Variants in SCX observed in about 807,000 individuals in gnomAD.
SCX encodes the protein scleraxis bHLH transcription factor.
A neutral mutation model predicts 12.2 loss-of-function variants in SCX; 7 were observed. The ratio of observed to expected loss-of-function variants is 0.57; its 90% CI spans 0.33 to 1.08. SCX has a LOEUF of 1.08. Ranked by LOEUF, SCX falls within the 50% of genes least tolerant of loss-of-function variation. The pLI, the probability that SCX is intolerant of heterozygous loss-of-function variation, is 0.04. For synonymous variants in SCX, 193 were observed against 163.9 expected, an observed-to-expected ratio of 1.18 and a Z score of -1.36; for missense variants, 342 against 337.2, an observed-to-expected ratio of 1.01 and a Z score of -0.11.
In SCX at chr8:144,268,410, C is replaced by T; in HGVS notation, c.*268C>T. ...TCTTCCGGCCACTGTGTGATGGCAT[C>T]TTGTGTTTTTGATATGATAATATAA... is the stretch of plus-strand genomic sequence containing the variant. On this transcript the variant is annotated 3_prime_UTR_variant, in exon 2 of 2. Coordinates refer to ENST00000567180, the MANE Select transcript of SCX (RefSeq NM_001080514.3). 3 of 578,956 alleles carry T rather than the reference C, an allele frequency of 5.2e-6. No homozygotes were observed. Among genetic ancestry groups the T allele is most frequent in the Non-Finnish European group, 6.1e-6 (2 of 326,732 alleles). The allele number at this position is 578,956 out of a possible 1,614,324, so 35.9% of individuals were successfully genotyped here. A position where few individuals can be genotyped will look rare whatever the true frequency, so the allele number is the denominator to read the frequency against.
chr8:144,267,234 A>G, intron 1 of SCX, 54 bp downstream of exon 1: 1 of 1,464,264 alleles, frequency 6.8e-7, no homozygotes, highest in South Asian at 1.4e-5. Flanking sequence ...CCCTCAGCCC[A>G]CACCTGCCAG....
chr8:144,267,808 C>T (rs1258347315), intron 1 of SCX, among the ~76,000 whole-genome samples: 3 of 152,216 alleles, frequency 2.0e-5, no homozygotes, highest in East Asian at 1.9e-4. Flanking sequence ...TTGGTGGCAC[C>T]GGAAAAGCAG....
chr8:144,266,663 C>T lies in SCX; in HGVS notation c.50C>T (p.Pro17Leu). The T allele has an allele frequency of 7.9e-7, 1 of 1,261,114 alleles. No individual in the cohort carries two copies. Among genetic ancestry groups the T allele is most frequent in the Non-Finnish European group, 1.0e-6 (1 of 983,638 alleles). 78.1% of individuals were successfully genotyped at this position (1,261,114 alleles called of 1,614,324 possible). A position where few individuals can be genotyped will look rare whatever the true frequency, so the allele number is the denominator to read the frequency against. ...RPAPPGRYLY[P>L]EVSPLSEDED... Reference sequence around the variant, plus strand: ...GCGCCGCCGGGCCGCTACCTGTACCCCGAGGTGAGCCCGCTGTCGGAGGAC... The same window carrying T: ...GCGCCGCCGGGCCGCTACCTGTACCTCGAGGTGAGCCCGCTGTCGGAGGAC... Residue 17 changes from proline to leucine, a missense_variant, in exon 1 of 2, where the codon CCC becomes CTC. Around this residue, in one of 3 missense-constraint regions of SCX, gnomAD observed 139 missense variants for 107.8 expected, o/e 1.29. Coordinates refer to ENST00000567180, the MANE Select transcript of SCX (RefSeq NM_001080514.3).
intron 1 of SCX, among the ~76,000 whole-genome samples, chr8:144,267,543 AG>A (rs1443726782): frequency 1.3e-5 from 2 of 152,260 alleles, no homozygotes; most frequent in African/African-American, 4.8e-5. Flanking sequence ...GAGTTCAGAA[AG>A]TAAGAGGCTG....
chr8:144,268,124 G>A lies in SCX; in HGVS notation c.588G>A (p.Lys196=). ...TGCAGAGCAAGGACCGCGACAGAAA[G>A]ACAGCGATTCGCAGTTAGGAGGTGG... The part of the protein sequence containing the change: ...QRKLSKDRDR[K]TAIRS Residue 196 remains lysine (K), a synonymous_variant, in exon 2 of 2, where the codon AAG becomes AAA. Transcript: ENST00000567180. 2.6e-6 allele frequency: 4 copies of A among 1,551,790 alleles called. No homozygotes were observed. The highest frequency in any genetic ancestry group is 3.5e-6 in the Non-Finnish European group (4 of 1,147,580).
intron 1 of SCX, among the ~76,000 whole-genome samples, chr8:144,267,875 C>A (rs2130214407): frequency 6.6e-6 from 1 of 152,312 alleles, no homozygotes. Flanking sequence ...CCTCTCCAGA[C>A]AGCACGCGCG....
chr8:144,267,331 C>A, intron 1 of SCX, 151 bp downstream of exon 1: 3 of 990,158 alleles, frequency 3.0e-6, no homozygotes, highest in Non-Finnish European at 2.6e-6. Context: ...GGGGCTGGGG[C>A]CTTCTCCTGG....
At position 144,266,608 on chromosome 8, in the gene SCX, G is replaced by A. The variant is rs1845372737; in HGVS notation, c.-6G>A. 11 of 1,151,370 alleles carry A rather than the reference G, an allele frequency of 9.6e-6. No homozygotes were observed. Among genetic ancestry groups the A allele is most frequent in the South Asian group, 5.4e-5 (3 of 55,490 alleles). 71.3% of individuals were successfully genotyped at this position (1,151,370 alleles called of 1,614,324 possible). On this transcript the variant is annotated 5_prime_UTR_variant, in exon 1 of 2. Transcript: ENST00000567180. ...ACAGAGCTGACGCCGCGCCCCCGCC[G>A]GCCCCATGTCCTTCGCCACGCTGCG... is the stretch of plus-strand genomic sequence containing the variant.
Position 144,267,996 on chromosome 8 carries a change from G to A in SCX, c.568-108G>A, listed in dbSNP as rs1278594456. On this transcript the variant is annotated intron_variant, in intron 1 of 1. Coordinates refer to ENST00000567180, the MANE Select transcript of SCX (RefSeq NM_001080514.3). ...GGAAGCTGGGGAGAGCCGGGAAGGA[G>A]GTGCCTTGGCGCTGGCCACCTGAGA... 3.3e-6 allele frequency: 5 copies of A among 1,505,880 alleles called. No homozygotes were observed. The African/African-American group carries it at 6.9e-5, about 21-fold the overall frequency. The allele number at this position is 1,505,880 out of a possible 1,614,324, so 93.3% of individuals were successfully genotyped here. A position where few individuals can be genotyped will look rare whatever the true frequency, so the allele number is the denominator to read the frequency against.
rs1343769462 is a variant in SCX, at chr8:144,266,483, C to G, written c.-131C>G. 3.0e-6 allele frequency: 3 copies of G among 985,230 alleles called. No homozygotes were observed. In the African/African-American group the frequency reaches 5.3e-5, roughly 17 times the overall value. The allele number at this position is 985,230 out of a possible 1,614,324, so 61.0% of individuals were successfully genotyped here. A position where few individuals can be genotyped will look rare whatever the true frequency, so the allele number is the denominator to read the frequency against. On this transcript the variant is annotated 5_prime_UTR_variant, in exon 1 of 2. Coordinates refer to ENST00000567180, the MANE Select transcript of SCX (RefSeq NM_001080514.3). ...GGGACGCACATGTGCGCGCGACGCC[C>G]GGCAGCTGCCACCGCGGGGCGCAGC...
chr8:144,267,357 C>A (rs1845398540), intron 1 of SCX, among the ~76,000 whole-genome samples, 177 bp downstream of exon 1: 1 of 152,066 alleles, frequency 6.6e-6, no homozygotes, highest in Non-Finnish European at 1.5e-5. Flanking sequence ...CTCTCCAGGG[C>A]GTCCCTAGGA....
chr8:144,267,117 C>T lies in SCX; in HGVS notation c.504C>T (p.Arg168=), dbSNP rs1845390827. Residue 168 remains arginine (R), a synonymous_variant, in exon 1 of 2, where the codon CGC becomes CGT. Transcript: ENST00000567180. ...CGCCGCCCCCGCCGCCTCCCGCCCG[C>T]GACGGCGAGAACACCCAGCCCAAAC... ...PPPPPPPPPA[R]DGENTQPKQI... 7 of 1,475,568 alleles carry T rather than the reference C, an allele frequency of 4.7e-6. No individual in the cohort carries two copies. Among genetic ancestry groups the T allele is most frequent in the Non-Finnish European group, 5.3e-6 (6 of 1,122,856 alleles). The allele number at this position is 1,475,568 out of a possible 1,614,324, so 91.4% of individuals were successfully genotyped here.
chr8:144,268,063 G>A, intron 1 of SCX, 41 bp from the exon 2 acceptor site: 1 of 1,549,404 alleles, frequency 6.5e-7, no homozygotes. Flanking sequence ...GACTGGCGCT[G>A]GGCTCTGCCG....
Position 144,266,970 on chromosome 8 carries a change from G to T in SCX, c.357G>T (p.Leu119=). ...TCTCCAAGATTGAGACGCTGCGCCT[G>T]GCCTCCAGCTACATCTCGCACCTGG... ...RKLSKIETLR[L]ASSYISHLGN... is the part of the protein sequence containing the mutation. The change falls in exon 1 of 2, where the codon CTG becomes CTT. Residue 119 remains leucine (L), a synonymous_variant. Coordinates refer to ENST00000567180, the MANE Select transcript of SCX (RefSeq NM_001080514.3). 1 of 1,555,900 alleles carries T rather than the reference G, an allele frequency of 6.4e-7. No individual in the cohort carries two copies. Among genetic ancestry groups the T allele is most frequent in the East Asian group, 2.5e-5 (1 of 40,438 alleles).
chr8:144,268,214 C>A lies in SCX; in HGVS notation c.*72C>A, dbSNP rs1845425717. 1.9e-6 allele frequency: 3 copies of A among 1,544,198 alleles called. No individual in the cohort carries two copies. In the African/African-American group the frequency reaches 4.1e-5, roughly 21 times the overall value. ...GACGCCCGGGGTGACTGCAGACAGC[C>A]CCCACCTTGGACCTGAGCTGGGCAA... On this transcript the variant is annotated 3_prime_UTR_variant, in exon 2 of 2. Coordinates refer to ENST00000567180, the MANE Select transcript of SCX (RefSeq NM_001080514.3).
intron 1 of SCX, among the ~76,000 whole-genome samples, chr8:144,267,838 C>T (rs1381108660): frequency 6.6e-6 from 1 of 152,214 alleles, no homozygotes; most frequent in East Asian, 1.9e-4. Context: ...GGAGAAAATA[C>T]GGCACGGCTT....
In SCX at chr8:144,266,600, C is replaced by T. The variant is rs1446637140; in HGVS notation, c.-14C>T. The T allele has an allele frequency of 2.1e-5, 23 of 1,116,988 alleles. No homozygotes were observed. The highest frequency in any genetic ancestry group is 2.5e-5 in the Non-Finnish European group (23 of 907,400). The allele number at this position is 1,116,988 out of a possible 1,614,324, so 69.2% of individuals were successfully genotyped here. A position where few individuals can be genotyped will look rare whatever the true frequency, so the allele number is the denominator to read the frequency against. ...AGCGCGCGACAGAGCTGACGCCGCG[C>T]CCCCGCCGGCCCCATGTCCTTCGCC... On this transcript the variant is annotated 5_prime_UTR_variant, in exon 1 of 2. Transcript: ENST00000567180.
At position 144,266,718 on chromosome 8, in the gene SCX, C is replaced by T; in HGVS notation, c.105C>T (p.Ser35=). The change falls in exon 1 of 2, where the codon TCC becomes TCT. Residue 35 remains serine (S), a synonymous_variant. Coordinates refer to ENST00000567180, the MANE Select transcript of SCX (RefSeq NM_001080514.3). ...ACCGCGGCAGCGACAGCTCGGGCTC[C>T]GACGAGAAACCCTGTCGCGTGCACG... is the stretch of plus-strand genomic sequence containing the variant. The part of the protein sequence containing the change: ...DEDRGSDSSG[S]DEKPCRVHAA... 1 of 1,199,184 alleles carries T rather than the reference C, an allele frequency of 8.3e-7. No homozygotes were observed. The highest frequency in any genetic ancestry group is 1.6e-5 in the South Asian group (1 of 61,036). The allele number at this position is 1,199,184 out of a possible 1,614,324, so 74.3% of individuals were successfully genotyped here.
At position 144,266,922 on chromosome 8, in the gene SCX, C is replaced by T; in HGVS notation, c.309C>T (p.Pro103=). ...TCACGGCGCTGCGCACGCTGATCCC[C>T]ACCGAGCCCGCCGACCGCAAGCTCT... is the stretch of plus-strand genomic sequence containing the variant. The part of the protein sequence containing the change: ...TAFTALRTLI[P]TEPADRKLSK... Residue 103 remains proline, a synonymous_variant, in exon 1 of 2, where the codon CCC becomes CCT. Coordinates refer to ENST00000567180, the MANE Select transcript of SCX (RefSeq NM_001080514.3). 13 of 1,555,414 alleles carry T rather than the reference C, an allele frequency of 8.4e-6. No homozygotes were observed. Among genetic ancestry groups the T allele is most frequent in the Non-Finnish European group, 1.0e-5 (12 of 1,156,908 alleles).
Sources: allele counts gnomAD v4.1 joint callset (sites outside exome capture counted in the v4.1 genomes callset), GRCh38; gene constraint gnomAD v4.1.1; regional missense constraint gnomAD v4.1.1; transcripts MANE v1.5; gene names NCBI Gene and HGNC (gene_info 2026-07-23, HGNC 2026-07-21).